The following IFT88 variants were observed in gnomAD, a reference collection of about 807,000 sequenced individuals.
IFT88 encodes intraflagellar transport protein 88 homolog.
Under a neutral mutation model 119.5 loss-of-function variants are expected in IFT88, and 74 were observed. The observed-to-expected ratio is 0.62, with a 90% CI of 0.51 to 0.75. The LOEUF (loss-of-function observed/expected upper bound fraction) is 0.75. Ranked by LOEUF, IFT88 falls within the 30% of genes least tolerant of loss-of-function variation. IFT88 has a pLI of 0.00. For missense variants in IFT88, 961 were observed against 977.7 expected (o/e 0.98, Z 0.23); for synonymous variants, 279 against 316.7 (o/e 0.88, Z 1.26).
chr13:20,603,813 C>G (rs1342749578), intron 12 of IFT88, among the ~76,000 whole-genome samples: 4 of 151,688 alleles, frequency 2.6e-5, no homozygotes, highest in African/African-American at 9.7e-5. Context: ...GGGAGGATCA[C>G]CTGAGCCCGA....
At chr13:20,592,759 C>G (rs1309364176) in intron 7 of IFT88, among the ~76,000 whole-genome samples, 1 of 147,112 alleles carries the variant, frequency 6.8e-6, no homozygotes, top group Non-Finnish European at 1.5e-5. Context: ...CGTGAGCCAC[C>G]ACACCAGCTC....
At chr13:20,640,779 A>C (rs2049811210) in intron 17 of IFT88, among the ~76,000 whole-genome samples, 1 of 151,992 alleles carries the variant, frequency 6.6e-6, no homozygotes, top group Non-Finnish European at 1.5e-5. Context: ...ACACTTTTAA[A>C]ATCACTGAAG....
chr13:20,592,571 GC>G (rs2040869336), intron 7 of IFT88, among the ~76,000 whole-genome samples, 167 bp downstream of exon 7: 1 of 152,038 alleles, frequency 6.6e-6, no homozygotes, highest in Non-Finnish European at 1.5e-5. Context: ...CCAGGTTCAA[GC>G]GATTCTTCTG....
chr13:20,656,685 A>G (rs1261527568), intron 22 of IFT88, among the ~76,000 whole-genome samples: 6 of 152,202 alleles, frequency 3.9e-5, no homozygotes, highest in East Asian at 1.9e-4. Context: ...TCAGAGTTCT[A>G]TAGAATTTTA....
intron 17 of IFT88, among the ~76,000 whole-genome samples, chr13:20,640,458 A>G: frequency 6.6e-6 from 1 of 152,046 alleles, no homozygotes; most frequent in East Asian, 1.9e-4. Context: ...CTGTAGTCCC[A>G]GCTACTCAGG....
rs186789653 is a variant in IFT88 at position 20,607,434 on chromosome 13, A to G, written c.1112+2329A>G. On this transcript the variant is annotated intron_variant, in intron 13 of 25. Coordinates refer to ENST00000351808, the MANE Select transcript of IFT88 (RefSeq NM_006531.5). ...CAGATCATTATAAAGAAGCAGAGCA[A>G]CAAGGTGTACTTGTCACTCATCCCC... The G allele has an allele frequency of 2.3e-5, 15 of 657,120 alleles. No homozygotes were observed. In the Admixed American group the frequency reaches 2.5e-4, roughly 11 times the overall value. The allele number at this position is 657,120 out of a possible 1,614,324, so 40.7% of individuals were successfully genotyped here.
At chr13:20,684,774 G>C (rs558776326) in intron 24 of IFT88, among the ~76,000 whole-genome samples, 2 of 152,308 alleles carry the variant, frequency 1.3e-5, no homozygotes, top group East Asian at 3.9e-4. Context: ...TGATGCTTCC[G>C]AGCTCCCCTT....
intron 3 of IFT88, among the ~76,000 whole-genome samples, chr13:20,585,668 G>A (rs898271923): frequency 2.6e-5 from 4 of 152,158 alleles, no homozygotes; most frequent in African/African-American, 9.7e-5. Context: ...CTGACCAGTG[G>A]CCAAAGCCAG....
chr13:20,665,695 G>T (rs1474076333), intron 23 of IFT88, among the ~76,000 whole-genome samples: 3 of 152,226 alleles, frequency 2.0e-5, no homozygotes, highest in African/African-American at 7.2e-5. Context: ...CCTCTCTGTT[G>T]TTTCGCTCAG....
At position 20,590,987 on chromosome 13, in the gene IFT88, A is replaced by G. The variant is rs918308415; in HGVS notation, c.231A>G (p.Ser77=). 2.5e-6 allele frequency: 4 copies of G among 1,609,566 alleles called. No homozygotes were observed. The African/African-American group carries it at 5.3e-5, about 22-fold the overall frequency. The stretch of plus-strand genomic sequence containing the variant: ...ACTAGTCCAAGACATCTCTGGCATC[A>G]TCAATAGGAAGACCAATGACAGGGG... ...TGYGSKTSLA[S]SIGRPMTGAI... Residue 77 remains serine, a synonymous_variant, in exon 5 of 26, where the codon TCA becomes TCG. Transcript: ENST00000351808.
chr13:20,690,577 A>C, intron 24 of IFT88, 128 bp from the exon 25 acceptor site: 1 of 606,328 alleles, frequency 1.6e-6, no homozygotes. Context: ...TTATATCCCT[A>C]AGAAGCTGGC....
At position 20,660,407 on chromosome 13, in the gene IFT88, T is replaced by C. The variant is rs140685179; in HGVS notation, c.2069-3091T>C. Among the ~76,000 whole-genome samples the C allele has an allele frequency of 4.8e-3, 734 of 152,204 alleles. 7 individuals carry two copies. Among genetic ancestry groups the C allele is most frequent in the Non-Finnish European group, 3.9e-3 (266 of 68,002 alleles). The stretch of plus-strand genomic sequence containing the variant: ...ATATTTCTGGGGAGATGATGAGCCA[T>C]TGGAGGATTTTGTGTGGAAGAATAA... On this transcript the variant is annotated intron_variant, in intron 22 of 25. Transcript: ENST00000351808.
chr13:20,601,190 A>G (rs1334935202), intron 11 of IFT88, among the ~76,000 whole-genome samples: 1 of 152,112 alleles, frequency 6.6e-6, no homozygotes, highest in Non-Finnish European at 1.5e-5. Flanking sequence ...GTATGGTGAA[A>G]CCCCGTCTCT....
chr13:20,641,952 A>G (rs1439183189), intron 18 of IFT88: 1 of 152,242 alleles, frequency 6.6e-6, no homozygotes, highest in Non-Finnish European at 1.5e-5. Flanking sequence ...GTGTATCAGT[A>G]TTATGTTTCA....
chr13:20,605,077 G>T lies in IFT88; in HGVS notation c.1084G>T (p.Asp362Tyr). The T allele has an allele frequency of 6.6e-7, 1 of 1,506,762 alleles. No individual in the cohort carries two copies. Among genetic ancestry groups the T allele is most frequent in the South Asian group, 1.2e-5 (1 of 86,852 alleles). The allele number at this position is 1,506,762 out of a possible 1,614,324, so 93.3% of individuals were successfully genotyped here. ...CTTAGTAACTGAAGCTATAAAAAAT[G>T]ATCACCTCAGGCAAATGGAACGTGA... ...TNLVTEAIKN[D>Y]HLRQMERERK... The change falls in exon 13 of 26, where the codon GAT (aspartate) becomes TAT (tyrosine). Residue 362 changes from aspartate (D) to tyrosine (Y), a missense_variant. By Grantham distance (160) the Asp-to-Tyr change is radical. Coordinates refer to ENST00000351808, the MANE Select transcript of IFT88 (RefSeq NM_006531.5).
chr13:20,567,948 A>T (rs1230579592), intron 1 of IFT88: 13 of 705,098 alleles, frequency 1.8e-5, no homozygotes. Flanking sequence ...CCTGGGCCAC[A>T]TCGGAAGAAG....
At chr13:20,671,264 A>G (rs887470850) in intron 24 of IFT88, among the ~76,000 whole-genome samples, 1 of 152,240 alleles carries the variant, frequency 6.6e-6, no homozygotes, top group African/African-American at 2.4e-5. Context: ...TGTTTTTGCT[A>G]GTTGATTAAT....
At chr13:20,606,397 T>C (rs998423506) in intron 13 of IFT88, among the ~76,000 whole-genome samples, 4 of 152,154 alleles carry the variant, frequency 2.6e-5, no homozygotes, top group African/African-American at 9.7e-5. Flanking sequence ...GCCCAATAGA[T>C]ACAAGGACCC....
At chr13:20,675,108 G>T (rs1296980053) in intron 24 of IFT88, among the ~76,000 whole-genome samples, 3 of 152,024 alleles carry the variant, frequency 2.0e-5, no homozygotes, top group Non-Finnish European at 1.5e-5. Context: ...AGCAGAGAAT[G>T]AACAAGTCAT....
Sources: gnomAD v4.1 joint callset for allele counts (sites outside exome capture counted in the v4.1 genomes callset) on GRCh38, gnomAD v4.1.1 for gene constraint, MANE v1.5 for transcripts, NCBI Gene and HGNC (gene_info 2026-07-23, HGNC 2026-07-21) for gene names.